Variants in SCAI observed in about 807,000 individuals in gnomAD.
SCAI encodes the protein protein SCAI.
In SCAI, 24 loss-of-function variants were observed where a neutral mutation model predicts 92.2. The observed-to-expected ratio is 0.26, with a 90% CI of 0.19 to 0.37. The LOEUF (loss-of-function observed/expected upper bound fraction) is 0.37, where lower values mean the gene tolerates loss of function less well. Ranked by LOEUF, SCAI falls within the 10% of genes least tolerant of loss-of-function variation. SCAI has a pLI of 1.00. For synonymous variants in SCAI, 261 were observed against 258.6 expected (o/e 1.01, Z -0.09); for missense variants, 450 against 736.2 (o/e 0.61, Z 4.50).
rs544374870 is a variant in SCAI, at chr9:125,082,133, C to T, written c.99-26126G>A. 2.5e-4 allele frequency among the ~76,000 whole-genome samples: 38 copies of T among 152,324 alleles called. No individual in the cohort carries two copies. The East Asian group carries it at 6.9e-3, about 28-fold the overall frequency. On this transcript the variant is annotated intron_variant, in intron 2 of 17. Transcript: ENST00000336505. ...TGGTTTTGTGGGCCAGGCCCAGGGT[C>T]GCCATGCCATGTGTGGTCTAGAGAC...
At position 125,091,233 on chromosome 9, in the gene SCAI, T is replaced by C. The variant is rs1834423321; in HGVS notation, c.99-35226A>G. 3.3e-5 allele frequency among the ~76,000 whole-genome samples: 5 copies of C among 152,230 alleles called. No homozygotes were observed. The South Asian group carries it at 1.0e-3, about 32-fold the overall frequency. On this transcript the variant is annotated intron_variant, in intron 2 of 17. Transcript: ENST00000336505. This position sits in a 1 kb window ranked among gnomAD's most constrained non-coding sequence, Gnocchi z 4.3. ...CCTAGGGGCATGACTTCAGCCATGA[T>C]TACAGATATTTGGATTCCCTTGGTT...
At position 125,003,105 on chromosome 9, in the gene SCAI, C is replaced by G; in HGVS notation, c.1065+9G>C. The G allele has an allele frequency of 1.3e-6, 2 of 1,580,178 alleles. No individual in the cohort carries two copies. The highest frequency in any genetic ancestry group is 1.7e-6 in the Non-Finnish European group (2 of 1,149,204). On this transcript the variant is annotated intron_variant, in intron 11 of 17. Transcript: ENST00000336505. ...CACCTCATAGTAAAAAGTACTGGAT[C>G]ACACATACCTTAAAAGACGCTGCTA...
chr9:124,996,171 T>G (rs1486872843), intron 13 of SCAI, among the ~76,000 whole-genome samples: 1 of 113,516 alleles, frequency 8.8e-6, no homozygotes, highest in African/African-American at 3.4e-5. Context: ...AATCAACACC[T>G]CCATTCCCAC....
At chr9:124,995,394 A>T (rs1832218993) in intron 13 of SCAI, among the ~76,000 whole-genome samples, 1 of 152,224 alleles carries the variant, frequency 6.6e-6, no homozygotes, top group Non-Finnish European at 1.5e-5. Context: ...TTGTATTTCA[A>T]TGAGTCTTCA....
chr9:125,055,146 C>T (rs1244358360), intron 3 of SCAI, among the ~76,000 whole-genome samples: 2 of 151,970 alleles, frequency 1.3e-5, no homozygotes, highest in Non-Finnish European at 2.9e-5. Context: ...CATTTTTATC[C>T]ATAAATAAAC....
At chr9:124,971,310 T>C (rs1588124234) in intron 17 of SCAI, 60 bp downstream of exon 17, 1 of 898,154 alleles carries the variant, frequency 1.1e-6, no homozygotes, top group Non-Finnish European at 1.8e-6. Context: ...TAAAATATAA[T>C]ACATGGTTCT....
intron 2 of SCAI, among the ~76,000 whole-genome samples, chr9:125,127,900 C>T (rs1835311414): frequency 6.6e-6 from 1 of 151,438 alleles, no homozygotes; most frequent in African/African-American, 2.4e-5. Context: ...CCCAGCTACT[C>T]GGGAGGCTGA....
At chr9:125,004,764 TATATATATATA>T (rs1236714660) in intron 9 of SCAI, among the ~76,000 whole-genome samples, 47 of 10,380 alleles carry the variant, frequency 4.5e-3, no homozygotes, top group African/African-American at 5.8e-3. Flanking sequence ...TATATATATA[TATATATATATA>T]TATATTTTTT....
intron 17 of SCAI, among the ~76,000 whole-genome samples, chr9:124,957,662 G>A (rs530958317): frequency 1.7e-4 from 25 of 146,318 alleles, no homozygotes; most frequent in African/African-American, 5.4e-4. Flanking sequence ...GAGGTACCGC[G>A]CCTGGCCAAA....
intron 14 of SCAI, among the ~76,000 whole-genome samples, chr9:124,994,619 T>C (rs1479230706): frequency 6.6e-6 from 1 of 152,200 alleles, no homozygotes; most frequent in African/African-American, 2.4e-5. Flanking sequence ...CCTCTACCTC[T>C]ATAAAAGAAA....
chr9:125,054,521 A>T (rs1049100059), intron 3 of SCAI, among the ~76,000 whole-genome samples: 5 of 152,186 alleles, frequency 3.3e-5, no homozygotes, highest in Non-Finnish European at 2.9e-5. Context: ...GAAGAAAAAA[A>T]ATATACCTGG....
At chr9:125,102,505 T>G (rs1018278499) in intron 2 of SCAI, among the ~76,000 whole-genome samples, 7 of 152,092 alleles carry the variant, frequency 4.6e-5, no homozygotes, top group Admixed American at 1.3e-4. Flanking sequence ...TGACCACAAC[T>G]TCACCATCAG....
chr9:125,098,905 A>G (rs1834619660), intron 2 of SCAI, among the ~76,000 whole-genome samples: 1 of 152,202 alleles, frequency 6.6e-6, no homozygotes, highest in Non-Finnish European at 1.5e-5. Flanking sequence ...TTAATCAACA[A>G]GAACATCTAC....
At chr9:124,974,807 A>G (rs1831724471) in intron 15 of SCAI, among the ~76,000 whole-genome samples, 1 of 152,218 alleles carries the variant, frequency 6.6e-6, no homozygotes, top group African/African-American at 2.4e-5. Context: ...GCATTATTCT[A>G]TGAGGTAGAT....
chr9:125,068,211 A>C (rs1833909374), intron 2 of SCAI, among the ~76,000 whole-genome samples: 2 of 152,172 alleles, frequency 1.3e-5, no homozygotes, highest in South Asian at 4.1e-4. Context: ...CAAAACAAGA[A>C]ATTTACAAGC....
At chr9:124,991,044 C>T (rs7038913) in intron 14 of SCAI, among the ~76,000 whole-genome samples, 100,494 of 152,030 alleles carry the variant, frequency 0.66, 33,867 homozygotes, top group African/African-American at 0.77. Context: ...ACTATATGCA[C>T]GAGTTACTTC....
chr9:125,005,153 T>C (rs1420860400), intron 9 of SCAI, among the ~76,000 whole-genome samples: 4 of 152,048 alleles, frequency 2.6e-5, no homozygotes, highest in Non-Finnish European at 4.4e-5. Context: ...TAAGTCTATA[T>C]CCTTTTCCAA....
intron 9 of SCAI, among the ~76,000 whole-genome samples, chr9:125,014,812 T>C (rs1588152782): frequency 6.6e-6 from 1 of 152,206 alleles, no homozygotes; most frequent in African/African-American, 2.4e-5. Flanking sequence ...CAAAACAGCA[T>C]GGTACTGGTA....
In SCAI at chr9:125,013,250, T is replaced by C. The variant is rs545721379; in HGVS notation, c.861+5549A>G. On this transcript the variant is annotated intron_variant, in intron 9 of 17. Coordinates refer to ENST00000336505, the MANE Select transcript of SCAI (RefSeq NM_001144877.3). ...ATTAATGAATCCAGGAGCTGGTTTT[T>C]TGAAAGGATCAACAAAATTGATAGA... Among the ~76,000 whole-genome samples the C allele has an allele frequency of 7.6e-3, 1,160 of 152,046 alleles. 2 individuals are homozygous for C. Among genetic ancestry groups the C allele is most frequent in the Non-Finnish European group, 0.012 (788 of 67,954 alleles).
Sources: allele counts gnomAD v4.1 joint callset (sites outside exome capture counted in the v4.1 genomes callset), GRCh38; gene constraint gnomAD v4.1.1; non-coding constraint Gnocchi (gnomAD v3.1); transcripts MANE v1.5; gene names NCBI Gene and HGNC (gene_info 2026-07-23, HGNC 2026-07-21).